VPS37D: variants seen among roughly 807,000 people sequenced by gnomAD.
VPS37D encodes VPS37D subunit of ESCRT-I, also known as vacuolar protein sorting-associated protein 37D.
VPS37D carries 5 observed loss-of-function variants against 22.0 expected under a neutral mutation model. The ratio of observed to expected loss-of-function variants is 0.23; its 90% confidence interval spans 0.12 to 0.48. The LOEUF (loss-of-function observed/expected upper bound fraction) is 0.48, where lower values mean the gene tolerates loss of function less well. Ranked by LOEUF, VPS37D falls within the 20% of genes least tolerant of loss-of-function variation. The pLI, the probability that VPS37D is intolerant of heterozygous loss-of-function variation, is 0.99. For missense variants in VPS37D, 384 were observed against 345.8 expected (o/e 1.11, Z -0.88); for synonymous variants, 174 against 159.3 (o/e 1.09, Z -0.69).
chr7:73,671,273 A>T lies in VPS37D; in HGVS notation c.653A>T (p.Asp218Val). The T allele has an allele frequency of 6.9e-7, 1 of 1,454,928 alleles. No homozygotes were observed. The highest frequency in any genetic ancestry group is 9.0e-7 in the Non-Finnish European group (1 of 1,107,934). 90.1% of individuals were successfully genotyped at this position (1,454,928 alleles called of 1,614,324 possible). A position where few individuals can be genotyped will look rare whatever the true frequency, so the allele number is the denominator to read the frequency against. ...PAVPRSLPPL[D>V]SRPVPPLKGS... is the part of the protein sequence containing the mutation. ...GTGCCCCGGAGCCTGCCCCCCTTGG[A>T]CTCCCGCCCAGTGCCCCCACTGAAG... Residue 218 changes from aspartate (D) to valine (V), a missense_variant, in exon 4 of 4, where the codon GAC (aspartate) becomes GTC (valine). Asp to Val is a radical substitution (Grantham distance 152, BLOSUM62 -3). Transcript: ENST00000324941.
At position 73,668,006 on chromosome 7, in the gene VPS37D, G is replaced by T; in HGVS notation, c.48G>T (p.Pro16=). 1 of 1,123,988 alleles carries T rather than the reference G, an allele frequency of 8.9e-7. No individual in the cohort carries two copies. Among genetic ancestry groups the T allele is most frequent in the Non-Finnish European group, 1.1e-6 (1 of 912,850 alleles). The allele number at this position is 1,123,988 out of a possible 1,614,324, so 69.6% of individuals were successfully genotyped here. ...GGGCGGGGCCGGAGCCCGGCAGCCC[G>T]GGGCGCTTTGGGATCCTCAGCACCG... ...AARAGPEPGS[P]GRFGILSTGQ... is the part of the protein sequence containing the mutation. Residue 16 remains proline (P), a synonymous_variant, in exon 1 of 4, where the codon CCG becomes CCT. Transcript: ENST00000324941.
rs782529489 is a variant in VPS37D, at chr7:73,671,150, G to A, written c.530G>A (p.Arg177His). The A allele has an allele frequency of 2.7e-5, 44 of 1,606,244 alleles. No homozygotes were observed. Among genetic ancestry groups the A allele is most frequent in the African/African-American group, 2.3e-4 (17 of 74,860 alleles). ...KLQELLRRRE[R>H]SAQPAPTSAA... ...CAGGAGCTGCTGCGGCGTCGGGAGC[G>A]TTCTGCCCAGCCGGCCCCCACCTCG... is the stretch of plus-strand genomic sequence containing the variant. The change falls in exon 4 of 4, where the codon CGT becomes CAT. Residue 177 changes from arginine (R) to histidine (H), a missense_variant. Physicochemically the swap from Arg to His is conservative, Grantham distance 29. Transcript: ENST00000324941.
chr7:73,667,948 G>A lies in VPS37D; in HGVS notation c.-11G>A. 6.9e-6 allele frequency: 7 copies of A among 1,015,910 alleles called. No homozygotes were observed. Among genetic ancestry groups the A allele is most frequent in the Non-Finnish European group, 8.3e-6 (7 of 844,968 alleles). The allele number at this position is 1,015,910 out of a possible 1,614,324, so 62.9% of individuals were successfully genotyped here. On this transcript the variant is annotated 5_prime_UTR_variant, in exon 1 of 4. Coordinates refer to ENST00000324941, the MANE Select transcript of VPS37D (RefSeq NM_001077621.2). ...GAGCCAGCAGCCGAGCTGGGGGCGC[G>A]GGCGGGCGGCATGTACCGGGCCCGG... is the stretch of plus-strand genomic sequence containing the variant.
chr7:73,670,453 T>C (rs921801123), intron 3 of VPS37D, among the ~76,000 whole-genome samples: 1 of 152,206 alleles, frequency 6.6e-6, no homozygotes, highest in African/African-American at 2.4e-5. Flanking sequence ...ACTTCACATA[T>C]GTCCCTGCCT....
In VPS37D at chr7:73,669,420, T is replaced by C; in HGVS notation, c.140T>C (p.Phe47Ser). 1 of 1,554,908 alleles carries C rather than the reference T, an allele frequency of 6.4e-7. No individual in the cohort carries two copies. Among genetic ancestry groups the C allele is most frequent in the Non-Finnish European group, 8.7e-7 (1 of 1,149,176 alleles). Residue 47 changes from phenylalanine (F) to serine (S), a missense_variant and splice_region_variant, in exon 2 of 4, where the codon TTC (phenylalanine) becomes TCC (serine). Transcript: ENST00000324941. ...LDRIVRLSRK[F>S]QGLQLEREAC... Reference sequence around the variant, plus strand: ...CTCTTAGCTCCTCTCTGCCCGCAGTTCCAGGGCCTGCAGCTGGAGCGTGAG... The same window carrying C: ...CTCTTAGCTCCTCTCTGCCCGCAGTCCCAGGGCCTGCAGCTGGAGCGTGAG...
upstream of VPS37D, among the ~76,000 whole-genome samples, chr7:73,667,497 T>C (rs1344978002): frequency 6.6e-6 from 1 of 151,942 alleles, no homozygotes; most frequent in East Asian, 1.9e-4. Context: ...TGGGGAGGGC[T>C]GCAAGGCAGG....
rs782668403 is a variant in VPS37D at position 73,669,501 on chromosome 7, G to A, written c.221G>A (p.Arg74His). 40 of 1,581,864 alleles carry A rather than the reference G, an allele frequency of 2.5e-5. No homozygotes were observed. In the Admixed American group the frequency reaches 2.9e-4, roughly 11 times the overall value. ...LAKENLALRP[R>H]LEMGRAALAI... ...AAGGAGAACCTGGCCCTGCGGCCCC[G>A]CCTGGAGATGGGCCGGGCTGCCCTG... Residue 74 changes from arginine (R) to histidine (H), a missense_variant, in exon 2 of 4, where the codon CGC becomes CAC. Coordinates refer to ENST00000324941, the MANE Select transcript of VPS37D (RefSeq NM_001077621.2).
chr7:73,667,865 C>G lies in VPS37D; in HGVS notation c.-94C>G, dbSNP rs1373900684. ...CGTGCGGCCGGAGCCGGAGCGGATCCTGGAGCCGGAGCGGAGCGGAGCGGA... is the reference window on the plus strand; with the variant it reads ...CGTGCGGCCGGAGCCGGAGCGGATCGTGGAGCCGGAGCGGAGCGGAGCGGA... On this transcript the variant is annotated 5_prime_UTR_variant, in exon 1 of 4. Transcript: ENST00000324941. The G allele has an allele frequency of 2.8e-6, 1 of 352,808 alleles. No individual in the cohort carries two copies. The highest frequency in any genetic ancestry group is 6.4e-5 in the Admixed American group (1 of 15,652). 21.9% of individuals were successfully genotyped at this position (352,808 alleles called of 1,614,324 possible). A position where few individuals can be genotyped will look rare whatever the true frequency, so the allele number is the denominator to read the frequency against.
chr7:73,671,664 T>G lies in VPS37D; in HGVS notation c.*288T>G. ...GATGGACCAGCCCCGTTAAAGAACT[T>G]GACTCAACTACAGGGGCCTGGGAAG... On this transcript the variant is annotated 3_prime_UTR_variant, in exon 4 of 4. Transcript: ENST00000324941. The G allele has an allele frequency of 5.8e-6, 1 of 173,376 alleles. No individual in the cohort carries two copies. 10.7% of individuals were successfully genotyped at this position (173,376 alleles called of 1,614,324 possible).
In VPS37D at chr7:73,669,558, C is replaced by A; in HGVS notation, c.278C>A (p.Ala93Asp). 1 of 1,592,260 alleles carries A rather than the reference C, an allele frequency of 6.3e-7. No homozygotes were observed. Among genetic ancestry groups the A allele is most frequent in the Admixed American group, 1.8e-5 (1 of 56,870 alleles). The change falls in exon 2 of 4, where the codon GCC (alanine) becomes GAC (aspartate). Residue 93 changes from alanine (A) to aspartate (D), a missense_variant. Coordinates refer to ENST00000324941, the MANE Select transcript of VPS37D (RefSeq NM_001077621.2). ...AIKYQELREV[A>D]ENCADKLQRL... The stretch of plus-strand genomic sequence containing the variant: ...AAATACCAGGAGCTTCGTGAGGTGG[C>A]CGAGAACTGCGCGGACAAGCTGCAG...
chr7:73,671,264 C>G lies in VPS37D; in HGVS notation c.644C>G (p.Pro215Arg). Residue 215 changes from proline (P) to arginine (R), a missense_variant, in exon 4 of 4, where the codon CCC becomes CGC. Transcript: ENST00000324941. Reference protein sequence around the residue: ...RGPPAVPRSLPPLDSRPVPPL... With the variant: ...RGPPAVPRSLRPLDSRPVPPL... ...CCACCAGCAGTGCCCCGGAGCCTGCCCCCCTTGGACTCCCGCCCAGTGCCC... is the reference window on the plus strand; with the variant it reads ...CCACCAGCAGTGCCCCGGAGCCTGCGCCCCTTGGACTCCCGCCCAGTGCCC... 6.7e-7 allele frequency: 1 copy of G among 1,486,220 alleles called. No individual in the cohort carries two copies. 92.1% of individuals were successfully genotyped at this position (1,486,220 alleles called of 1,614,324 possible).
chr7:73,669,740 G>A, intron 2 of VPS37D, 150 bp downstream of exon 2: 1 of 359,890 alleles, frequency 2.8e-6, no homozygotes, highest in Non-Finnish European at 5.2e-6. Context: ...GAAGTGAGAG[G>A]AAGTGGGGAG....
At chr7:73,670,204 G>C in intron 3 of VPS37D, 102 bp downstream of exon 3, 1 of 1,523,830 alleles carries the variant, frequency 6.6e-7, no homozygotes, top group Non-Finnish European at 8.8e-7. Flanking sequence ...CCCTCCTCTG[G>C]GAAGTCCACC....
chr7:73,667,260 C>T (rs147833884), upstream of VPS37D, among the ~76,000 whole-genome samples: 732 of 152,000 alleles, frequency 4.8e-3, 3 homozygotes, highest in Non-Finnish European at 8.4e-3. Flanking sequence ...AGGCGTGAGC[C>T]ACCGCGCCCG....
intron 1 of VPS37D, among the ~76,000 whole-genome samples, chr7:73,669,144 T>G (rs989763339): frequency 2.0e-5 from 3 of 151,858 alleles, no homozygotes; most frequent in African/African-American, 7.2e-5. Context: ...ATAGTTTTCC[T>G]CACTTAAGTC....
intron 1 of VPS37D, 77 bp downstream of exon 1, chr7:73,668,173 G>C: frequency 1.1e-6 from 1 of 942,412 alleles, no homozygotes; most frequent in Non-Finnish European, 1.3e-6. Flanking sequence ...GGGAAGGGCC[G>C]CGCGGGCCGG....
Position 73,669,435 on chromosome 7 carries a change from T to C in VPS37D, c.155T>C (p.Leu52Pro), listed in dbSNP as rs1554609244. The C allele has an allele frequency of 6.4e-7, 1 of 1,565,654 alleles. No homozygotes were observed. Among genetic ancestry groups the C allele is most frequent in the South Asian group, 1.2e-5 (1 of 85,458 alleles). Reference protein sequence around the residue: ...RLSRKFQGLQLEREACLASNY... With the variant: ...RLSRKFQGLQPEREACLASNY... ...TGCCCGCAGTTCCAGGGCCTGCAGC[T>C]GGAGCGTGAGGCCTGCCTGGCCTCC... is the stretch of plus-strand genomic sequence containing the variant. Residue 52 changes from leucine to proline, a missense_variant, in exon 2 of 4, where the codon CTG (leucine) becomes CCG (proline). Physicochemically the swap from Leu to Pro is moderately conservative, Grantham distance 98. Transcript: ENST00000324941.
upstream of VPS37D, among the ~76,000 whole-genome samples, chr7:73,666,342 T>C (rs1797371030): frequency 1.3e-5 from 2 of 152,198 alleles, no homozygotes; most frequent in African/African-American, 4.8e-5. Context: ...GTATGCTCTG[T>C]GGACACTGTA....
intron 1 of VPS37D, 53 bp downstream of exon 1, chr7:73,668,149 G>T: frequency 9.7e-7 from 1 of 1,035,180 alleles, no homozygotes; most frequent in Non-Finnish European, 1.2e-6. Flanking sequence ...CGGCCTGCGG[G>T]ACCTGCCGCT....
Sources: gnomAD v4.1 joint callset for allele counts (sites outside exome capture counted in the v4.1 genomes callset) on GRCh38, gnomAD v4.1.1 for gene constraint, MANE v1.5 for transcripts, NCBI Gene and HGNC (gene_info 2026-07-23, HGNC 2026-07-21) for gene names.